The following SYNE2 variants were observed in gnomAD, a reference collection of about 807,000 sequenced individuals.
SYNE2 encodes spectrin repeat containing nuclear envelope protein 2, also known as nesprin-2.
A neutral mutation model predicts 856.3 loss-of-function variants in SYNE2; 431 were observed. That is an observed-to-expected ratio of 0.50 (90% CI 0.47 to 0.55). The LOEUF (loss-of-function observed/expected upper bound fraction) is 0.55, where lower values mean the gene tolerates loss of function less well. Among genes scored for constraint, SYNE2 ranks in the 20% least tolerant of loss-of-function variants. SYNE2 has a pLI of 0.00. For synonymous variants in SYNE2, 2,923 were observed against 2,872.3 expected, an observed-to-expected ratio of 1.02 and a Z score of -0.56; for missense variants, 8,129 against 8,023.2, an observed-to-expected ratio of 1.01 and a Z score of -0.50.
chr14:63,924,834 G>GTTTTTTTTTTTTTT (rs1160819887), intron 2 of SYNE2, among the ~76,000 whole-genome samples: 12 of 56,452 alleles, frequency 2.1e-4, no homozygotes, highest in East Asian at 4.3e-4. Context: ...CAGCCTTGGT[G>GTTTTTTTTTTTTTT]TTTTTTTTTT....
chr14:63,940,593 C>G (rs1315228503), intron 2 of SYNE2, 21 bp from the exon 3 acceptor site: 1 of 1,613,316 alleles, frequency 6.2e-7, no homozygotes, highest in East Asian at 2.2e-5. Context: ...TTTATAACTG[C>G]TGTTGTTCTT....
At chr14:63,876,249 CA>C (rs11438519) in intron 1 of SYNE2, among the ~76,000 whole-genome samples, 4,050 of 117,632 alleles carry the variant, frequency 0.034, 191 homozygotes, top group African/African-American at 0.12. Flanking sequence ...TCTATCTCTA[CA>C]AAAAAAAAAA....
chr14:64,211,329 T>G (rs2098640006), intron 103 of SYNE2, among the ~76,000 whole-genome samples: 1 of 152,240 alleles, frequency 6.6e-6, no homozygotes. Context: ...CTGCCTTCGT[T>G]TGGCACTGAA....
At chr14:63,961,963 A>G (rs966506815) in intron 9 of SYNE2, among the ~76,000 whole-genome samples, 2 of 151,854 alleles carry the variant, frequency 1.3e-5, no homozygotes, top group African/African-American at 2.4e-5. Flanking sequence ...GATGGGCACT[A>G]TATAAGACAA....
At position 64,143,922 on chromosome 14, in the gene SYNE2, C is replaced by T. The variant is rs770267414; in HGVS notation, c.15457C>T (p.Arg5153Cys). The T allele has an allele frequency of 2.4e-5, 39 of 1,613,984 alleles. No individual in the cohort carries two copies. The highest frequency in any genetic ancestry group is 3.1e-5 in the Non-Finnish European group (37 of 1,180,014). Residue 5153 changes from arginine (R) to cysteine (C), a missense_variant, in exon 83 of 116, where the codon CGT (arginine) becomes TGT (cysteine). By Grantham distance (180) the Arg-to-Cys change is radical. This residue lies in a region of SYNE2 where 5,410 missense variants were observed against 5,284.8 expected (regional missense o/e 1.02). Transcript: ENST00000555002. ...GGGGGAGATGAACCGCCAGTGGCACCGTGTACATGGAATGCTGAATAGAAA... is the reference window on the plus strand; with the variant it reads ...GGGGGAGATGAACCGCCAGTGGCACTGTGTACATGGAATGCTGAATAGAAA... The part of the protein sequence containing the change: ...HLGEMNRQWH[R>C]VHGMLNRKIQ...
At chr14:63,902,407 C>CAAAAAAAAAA (rs10533353) in intron 1 of SYNE2, among the ~76,000 whole-genome samples, 2 of 74,644 alleles carry the variant, frequency 2.7e-5, no homozygotes, top group African/African-American at 5.9e-5. Context: ...CGAGACTCCT[C>CAAAAAAAAAA]AAAAAAAAAA....
intron 1 of SYNE2, among the ~76,000 whole-genome samples, chr14:63,899,557 C>T (rs1333179752): frequency 2.0e-5 from 3 of 150,860 alleles, no homozygotes; most frequent in Non-Finnish European, 3.0e-5. Flanking sequence ...GCTGGAGTGC[C>T]GTGGCGCAAT....
chr14:64,142,976 G>A (rs2098151884), intron 82 of SYNE2, among the ~76,000 whole-genome samples: 2 of 152,190 alleles, frequency 1.3e-5, no homozygotes, highest in South Asian at 4.1e-4. Context: ...GCAGGCTGAT[G>A]GAACTAGCTT....
intron 1 of SYNE2, among the ~76,000 whole-genome samples, chr14:63,846,511 C>T (rs1890231300): frequency 2.0e-5 from 3 of 151,746 alleles, no homozygotes; most frequent in African/African-American, 4.8e-5. Flanking sequence ...TATTCAAGCT[C>T]AATTTTAATT....
intron 70 of SYNE2, among the ~76,000 whole-genome samples, chr14:64,124,611 CTTAA>C (rs1243397775): frequency 6.6e-6 from 1 of 152,056 alleles, no homozygotes; most frequent in Non-Finnish European, 1.5e-5. Flanking sequence ...AATATTAAAA[CTTAA>C]TTGTTTTTTC....
At chr14:63,947,881 A>C (rs1013724669) in intron 6 of SYNE2, among the ~76,000 whole-genome samples, 3 of 152,126 alleles carry the variant, frequency 2.0e-5, no homozygotes, top group Non-Finnish European at 4.4e-5. Context: ...ACTGTGCTGT[A>C]GTGTCACCTT....
chr14:64,197,644 A>C (rs969390723), intron 99 of SYNE2, among the ~76,000 whole-genome samples: 1 of 152,170 alleles, frequency 6.6e-6, no homozygotes, highest in Non-Finnish European at 1.5e-5. Context: ...GTTCACTTAG[A>C]CTGATTTAGG....
intron 11 of SYNE2, among the ~76,000 whole-genome samples, chr14:63,974,878 G>GTGTA (rs1401701260): frequency 3.4e-5 from 1 of 29,350 alleles, no homozygotes; most frequent in African/African-American, 1.1e-4. Context: ...GTGTGTGTGT[G>GTGTA]TGTGTGTGTG....
intron 94 of SYNE2, among the ~76,000 whole-genome samples, chr14:64,172,806 G>A (rs970925547): frequency 6.6e-6 from 1 of 151,944 alleles, no homozygotes. Context: ...GGTGGTGCAC[G>A]CCTGTACTCC....
rs370317926 is a variant in SYNE2, at chr14:64,209,431, C to G, written c.18393C>G (p.Ile6131Met). The G allele has an allele frequency of 2.5e-6, 4 of 1,614,224 alleles. No individual in the cohort carries two copies. The highest frequency in any genetic ancestry group is 2.5e-6 in the Non-Finnish European group (3 of 1,180,050). ...TAAGTTGCTTTGCTCCCATCAGAATCGAGGAGACGTGGCGCCTGTGGCAGA... is the reference window on the plus strand; with the variant it reads ...TAAGTTGCTTTGCTCCCATCAGAATGGAGGAGACGTGGCGCCTGTGGCAGA... ...CAMSMERRMK[I>M]EETWRLWQKF... Residue 6131 changes from isoleucine to methionine, a missense_variant, in exon 102 of 116, where the codon ATC (isoleucine) becomes ATG (methionine). Around this residue, in one of 3 missense-constraint regions of SYNE2, gnomAD observed 5,410 missense variants for 5,284.8 expected, o/e 1.02. Coordinates refer to ENST00000555002, the MANE Select transcript of SYNE2 (RefSeq NM_182914.3).
intron 45 of SYNE2, 81 bp downstream of exon 45, chr14:64,031,438 C>A (rs2097033602): frequency 8.2e-7 from 1 of 1,215,452 alleles, no homozygotes; most frequent in Non-Finnish European, 1.2e-6. Context: ...GGTCGTGAAT[C>A]AAGCATTCTG....
In SYNE2 at chr14:64,190,183, A is replaced by T. The variant is rs1021795243; in HGVS notation, c.17984A>T (p.Lys5995Met). Residue 5995 changes from lysine (K) to methionine (M), a missense_variant, in exon 99 of 116, where the codon AAG becomes ATG. By Grantham distance (95) the Lys-to-Met change is moderately conservative. Transcript: ENST00000555002. ...NKSRAAEIDD[K>M]LNKINDRWQH... ...TCAAGAGCAGCTGAGATCGATGACA[A>T]GCTCAACAAAATTAACGATCGTTGG... 1.2e-6 allele frequency: 2 copies of T among 1,613,998 alleles called. No individual in the cohort carries two copies. Among genetic ancestry groups the T allele is most frequent in the African/African-American group, 2.7e-5 (2 of 74,890 alleles).
chr14:64,033,256 A>G (rs770326296), intron 45 of SYNE2, among the ~76,000 whole-genome samples: 3 of 152,234 alleles, frequency 2.0e-5, no homozygotes, highest in African/African-American at 7.2e-5. Flanking sequence ...GTCCTAACAC[A>G]TGAGCTTGCT....
intron 82 of SYNE2, among the ~76,000 whole-genome samples, chr14:64,142,900 C>T (rs1037973509): frequency 2.6e-5 from 4 of 152,182 alleles, no homozygotes; most frequent in African/African-American, 9.7e-5. Context: ...ATTGTGTGCT[C>T]AGCACTATGC....
Sources: gnomAD v4.1 joint callset for allele counts (sites outside exome capture counted in the v4.1 genomes callset) on GRCh38, gnomAD v4.1.1 for gene constraint, gnomAD v4.1.1 regional missense constraint, MANE v1.5 for transcripts, NCBI Gene and HGNC (gene_info 2026-07-23, HGNC 2026-07-21) for gene names.